The following SMG6 variants were observed in gnomAD, a reference collection of about 807,000 sequenced individuals.
SMG6 encodes SMG6 nonsense mediated mRNA decay factor.
In SMG6, 66 loss-of-function variants were observed where a neutral mutation model predicts 142.2. The observed-to-expected ratio is 0.46, with a 90% CI of 0.38 to 0.57. SMG6 has a LOEUF of 0.57. Ranked by LOEUF, SMG6 falls within the 20% of genes least tolerant of loss-of-function variation. The pLI is 0.00. For missense variants in SMG6, 1,793 were observed against 1,832.0 expected (o/e 0.98, Z 0.39); for synonymous variants, 779 against 702.4 (o/e 1.11, Z -1.72).
At chr17:2,110,285 A>G (rs2069275940) in intron 13 of SMG6, among the ~76,000 whole-genome samples, 1 of 152,042 alleles carries the variant, frequency 6.6e-6, no homozygotes, top group South Asian at 2.1e-4. Context: ...GCACATGGTG[A>G]AAAAAAGCAA....
At chr17:2,148,297 G>A (rs937759115) in intron 13 of SMG6, among the ~76,000 whole-genome samples, 4 of 152,210 alleles carry the variant, frequency 2.6e-5, no homozygotes, top group Admixed American at 2.6e-4. Flanking sequence ...TTGAAAGCAG[G>A]ATCTCAAAGA....
At position 2,172,642 on chromosome 17, in the gene SMG6, T is replaced by C. The variant is rs1269864520; in HGVS notation, c.3357+16A>G. 3 of 1,612,298 alleles carry C rather than the reference T, an allele frequency of 1.9e-6. No homozygotes were observed. The highest frequency in any genetic ancestry group is 1.3e-5 in the African/African-American group (1 of 74,854). On this transcript the variant is annotated intron_variant, in intron 13 of 18. Coordinates refer to ENST00000263073, the MANE Select transcript of SMG6 (RefSeq NM_017575.5). The stretch of plus-strand genomic sequence containing the variant: ...AGGAGGGGCGAATGGGGAGGGATGT[T>C]TGGCCTGGGGCTGACCTTATCCGAG...
chr17:2,136,249 C>T (rs1368176273), intron 13 of SMG6, among the ~76,000 whole-genome samples: 5 of 151,022 alleles, frequency 3.3e-5, no homozygotes, highest in African/African-American at 9.8e-5. Context: ...TTAGCATAGA[C>T]GGGGTTTCAC....
At chr17:2,215,658 GT>G (rs1483020695) in intron 10 of SMG6, 2 of 151,998 alleles carry the variant, frequency 1.3e-5, no homozygotes, top group African/African-American at 4.8e-5. Flanking sequence ...CACAGTACTT[GT>G]GTGTGTGGGG....
At chr17:2,267,494 C>A (rs1010656644) in intron 8 of SMG6, among the ~76,000 whole-genome samples, 4 of 152,138 alleles carry the variant, frequency 2.6e-5, no homozygotes, top group Middle Eastern at 3.4e-3. Flanking sequence ...AGTCACTGTT[C>A]CCAGCAAGAT....
Position 2,061,505 on chromosome 17 carries a change from G to T in SMG6, c.4247C>A (p.Ala1416Asp), listed in dbSNP as rs752643842. The change falls in exon 19 of 19, where the codon GCC becomes GAC. Residue 1416 changes from alanine (A) to aspartate (D), a missense_variant. By Grantham distance (126) the Ala-to-Asp change is moderately radical (BLOSUM62 -2). Transcript: ENST00000263073. The stretch of plus-strand genomic sequence containing the variant: ...AGTGTGGCTCCCTCAGCCCACCTGG[G>T]CCCACGTGAGGAAGGCTGGGATGTC... ...VRDIPAFLTWAQVG is the reference protein window; with the variant it reads ...VRDIPAFLTWDQVG The T allele has an allele frequency of 3.2e-6, 5 of 1,574,306 alleles. No homozygotes were observed. The highest frequency in any genetic ancestry group is 1.8e-5 in the Admixed American group (1 of 54,830).
intron 13 of SMG6, among the ~76,000 whole-genome samples, chr17:2,171,675 A>G (rs1292115784): frequency 1.3e-5 from 2 of 151,890 alleles, no homozygotes; most frequent in Admixed American, 1.3e-4. Flanking sequence ...CAACGGGCCA[A>G]GACTTTATAT....
rs949142493 is a variant in SMG6, at chr17:2,085,148, G to A, written c.3534+577C>T. Among the ~76,000 whole-genome samples the A allele has an allele frequency of 8.6e-5, 13 of 151,320 alleles. No individual in the cohort carries two copies. In the South Asian group the frequency reaches 1.7e-3, roughly 19 times the overall value. ...CGTGCGCACACACACACACAGACGCGCACACACACACACAGACACACACAC... is the reference window on the plus strand; with the variant it reads ...CGTGCGCACACACACACACAGACGCACACACACACACACAGACACACACAC... On this transcript the variant is annotated intron_variant, in intron 14 of 18. Coordinates refer to ENST00000263073, the MANE Select transcript of SMG6 (RefSeq NM_017575.5). This position sits in a 1 kb window ranked among gnomAD's most constrained non-coding sequence, Gnocchi z 4.1.
In SMG6 at chr17:2,201,217, T is replaced by C. The variant is rs74708668; in HGVS notation, c.2870-12702A>G. Reference sequence around the variant, plus strand: ...AATAAAAAATTGGGCAAAGAAGATATATGGATGGCAAGTAGGTACATGAAA... The same window carrying C: ...AATAAAAAATTGGGCAAAGAAGATACATGGATGGCAAGTAGGTACATGAAA... On this transcript the variant is annotated intron_variant, in intron 10 of 18. Coordinates refer to ENST00000263073, the MANE Select transcript of SMG6 (RefSeq NM_017575.5). Among the ~76,000 whole-genome samples the C allele has an allele frequency of 2.1e-4, 32 of 152,270 alleles. No individual in the cohort carries two copies. The East Asian group carries it at 5.6e-3, about 27-fold the overall frequency.
At chr17:2,158,629 A>C (rs1597489258) in intron 13 of SMG6, among the ~76,000 whole-genome samples, 1 of 152,186 alleles carries the variant, frequency 6.6e-6, no homozygotes, top group East Asian at 1.9e-4. Context: ...TCAAAATTCC[A>C]CCGGAAGGCT....
At chr17:2,158,566 T>C (rs1167271998) in intron 13 of SMG6, among the ~76,000 whole-genome samples, 1 of 152,172 alleles carries the variant, frequency 6.6e-6, no homozygotes, top group Non-Finnish European at 1.5e-5. Context: ...TCCTAAATGA[T>C]GGCAATTCTA....
At chr17:2,108,806 T>C (rs2069226996) in intron 13 of SMG6, among the ~76,000 whole-genome samples, 1 of 151,984 alleles carries the variant, frequency 6.6e-6, no homozygotes, top group African/African-American at 2.4e-5. Context: ...TAGTCGCGCA[T>C]GGTGGCGGGC....
At chr17:2,125,799 A>G (rs2069855893) in intron 13 of SMG6, among the ~76,000 whole-genome samples, 1 of 152,138 alleles carries the variant, frequency 6.6e-6, no homozygotes, top group Non-Finnish European at 1.5e-5. Context: ...CTAAAAATAC[A>G]AAAATCAGCT....
At chr17:2,171,091 T>C (rs2071488047) in intron 13 of SMG6, among the ~76,000 whole-genome samples, 1 of 152,004 alleles carries the variant, frequency 6.6e-6, no homozygotes, top group Non-Finnish European at 1.5e-5. Flanking sequence ...CCTGGCAACA[T>C]GGTGAAACCC....
At chr17:2,082,285 T>C (rs879094137) in intron 14 of SMG6, 5 of 241,850 alleles carry the variant, frequency 2.1e-5, no homozygotes, top group Non-Finnish European at 4.0e-5. Context: ...AGTCAAACTT[T>C]AGGCCTATTT....
intron 13 of SMG6, among the ~76,000 whole-genome samples, chr17:2,159,337 G>C (rs1281520023): frequency 2.6e-5 from 4 of 152,152 alleles, no homozygotes; most frequent in Non-Finnish European, 5.9e-5. Context: ...GGCTGAGGTA[G>C]GAGAATTGCT....
chr17:2,270,205 C>T (rs4790321), intron 8 of SMG6, among the ~76,000 whole-genome samples: 64,483 of 150,852 alleles, frequency 0.43, 14,938 homozygotes, highest in African/African-American at 0.62. Flanking sequence ...AGTCCAGTAG[C>T]AATAGGGAAA....
chr17:2,201,633 C>T (rs2072526375), intron 10 of SMG6, among the ~76,000 whole-genome samples: 1 of 149,880 alleles, frequency 6.7e-6, no homozygotes, highest in South Asian at 2.1e-4. Context: ...GAGCCGAGAC[C>T]ACGCCACTGC....
At chr17:2,205,406 T>C (rs2072648726) in intron 10 of SMG6, among the ~76,000 whole-genome samples, 1 of 152,156 alleles carries the variant, frequency 6.6e-6, no homozygotes. Flanking sequence ...TTAAACTAGA[T>C]TAAAATTTTT....
Sources: gnomAD v4.1 joint callset for allele counts (sites outside exome capture counted in the v4.1 genomes callset) on GRCh38, gnomAD v4.1.1 for gene constraint, Gnocchi (gnomAD v3.1) non-coding constraint, MANE v1.5 for transcripts, NCBI Gene and HGNC (gene_info 2026-07-23, HGNC 2026-07-21) for gene names.